The following AOPEP variants were observed in gnomAD, a reference collection of about 807,000 sequenced individuals.
AOPEP encodes aminopeptidase O.
In AOPEP, 77 loss-of-function variants were observed where a neutral mutation model predicts 98.1. That is an observed-to-expected ratio of 0.78 (90% CI 0.65 to 0.95). The LOEUF (loss-of-function observed/expected upper bound fraction) is 0.95. Ranked by LOEUF, AOPEP falls within the 40% of genes least tolerant of loss-of-function variation. AOPEP has a pLI of 0.00. For synonymous variants in AOPEP, 346 were observed against 365.3 expected (o/e 0.95, Z 0.60); for missense variants, 1,024 against 1,024.7 (o/e 1.00, Z 0.01).
At chr9:94,822,380 A>T (rs2134224399) in intron 5 of AOPEP, among the ~76,000 whole-genome samples, 1 of 152,244 alleles carries the variant, frequency 6.6e-6, no homozygotes, top group African/African-American at 2.4e-5. Flanking sequence ...TAAAAAGAAA[A>T]GTTTAAGGAA....
the AOPEP span, among the ~76,000 whole-genome samples, chr9:95,141,174 T>C: frequency 1.4e-4 from 21 of 151,884 alleles, no homozygotes; most frequent in African/African-American, 4.8e-4. Context: ...TAGCAAGGCA[T>C]GGTGGCACAT....
intron 1 of AOPEP, among the ~76,000 whole-genome samples, chr9:94,730,376 T>C (rs1830252349): frequency 6.6e-6 from 1 of 151,390 alleles, no homozygotes; most frequent in Admixed American, 6.6e-5. Flanking sequence ...AGATCATTAA[T>C]GCATTTCCTT....
intron 11 of AOPEP, among the ~76,000 whole-genome samples, chr9:94,986,468 GA>G (rs2060525100): frequency 6.6e-6 from 1 of 152,092 alleles, no homozygotes; most frequent in Non-Finnish European, 1.5e-5. Context: ...GCATTCTAAT[GA>G]ATCCCTTCAG....
At chr9:94,774,096 T>C (rs897569115) in intron 3 of AOPEP, among the ~76,000 whole-genome samples, 1 of 152,032 alleles carries the variant, frequency 6.6e-6, no homozygotes, top group South Asian at 2.1e-4. Context: ...ATTTAAAATA[T>C]GGCATCTCCT....
At chr9:94,773,501 G>A (rs1394446152) in intron 3 of AOPEP, among the ~76,000 whole-genome samples, 1 of 152,144 alleles carries the variant, frequency 6.6e-6, no homozygotes, top group African/African-American at 2.4e-5. Flanking sequence ...CACCATTAGA[G>A]TTGAGTTGTC....
At chr9:95,046,785 C>T (rs546599602) in intron 13 of AOPEP, among the ~76,000 whole-genome samples, 1 of 152,278 alleles carries the variant, frequency 6.6e-6, no homozygotes, top group East Asian at 1.9e-4. Context: ...ATTTTTACTT[C>T]CCAGACACCT....
At chr9:95,015,239 A>G (rs1211407762) in intron 13 of AOPEP, among the ~76,000 whole-genome samples, 1 of 152,250 alleles carries the variant, frequency 6.6e-6, no homozygotes, top group Non-Finnish European at 1.5e-5. Context: ...AAGCACAGAT[A>G]GGGGTTTGAT....
At chr9:94,977,286 A>G (rs2059908994) in intron 10 of AOPEP, among the ~76,000 whole-genome samples, 1 of 151,964 alleles carries the variant, frequency 6.6e-6, no homozygotes, top group Non-Finnish European at 1.5e-5. Flanking sequence ...AGGATAGTTC[A>G]TTTGGTGGAG....
the AOPEP span, among the ~76,000 whole-genome samples, chr9:95,117,578 C>T: frequency 7.2e-6 from 1 of 139,406 alleles, no homozygotes; most frequent in South Asian, 2.5e-4. Context: ...AATAATTAAC[C>T]TTTTTAAAGT....
Position 94,772,997 on chromosome 9 carries a change from T to G in AOPEP, c.798-5T>G. ...CCCCTTTCTTTCTTTGTCTCTCTTCTGCAGGCCATGTGTTTATACTGTGGG... is the reference window on the plus strand; with the variant it reads ...CCCCTTTCTTTCTTTGTCTCTCTTCGGCAGGCCATGTGTTTATACTGTGGG... On this transcript the variant is annotated splice_region_variant and splice_polypyrimidine_tract_variant and intron_variant, in intron 2 of 16. Coordinates refer to ENST00000375315, the MANE Select transcript of AOPEP (RefSeq NM_001193329.3). The G allele has an allele frequency of 1.3e-6, 2 of 1,585,938 alleles. No homozygotes were observed. The highest frequency in any genetic ancestry group is 1.7e-6 in the Non-Finnish European group (2 of 1,163,240).
intron 5 of AOPEP, among the ~76,000 whole-genome samples, chr9:94,913,024 G>A (rs16911830): frequency 1.3e-5 from 2 of 152,114 alleles, no homozygotes; most frequent in South Asian, 2.1e-4. Context: ...AAACAGACCC[G>A]GGTGCCTTTC....
intron 13 of AOPEP, among the ~76,000 whole-genome samples, chr9:95,050,315 T>C (rs1339992803): frequency 1.3e-5 from 2 of 152,226 alleles, no homozygotes; most frequent in Admixed American, 1.3e-4. Flanking sequence ...TGAAATTAAA[T>C]CCATTTTATT....
intron 13 of AOPEP, among the ~76,000 whole-genome samples, chr9:95,038,838 G>A (rs2065048209): frequency 6.6e-6 from 1 of 152,188 alleles, no homozygotes. Flanking sequence ...CAGTGCCTCC[G>A]TTGCCGCCAG....
intron 5 of AOPEP, among the ~76,000 whole-genome samples, chr9:94,864,675 A>G (rs1020131596): frequency 3.3e-5 from 5 of 152,124 alleles, no homozygotes; most frequent in Non-Finnish European, 5.9e-5. Context: ...TTCTAATGGT[A>G]TGTGTTTAAT....
chr9:95,060,548 A>G, intron 13 of AOPEP, 146 bp from the exon 14 acceptor site: 1 of 670,940 alleles, frequency 1.5e-6, no homozygotes, highest in Non-Finnish European at 2.7e-6. Flanking sequence ...GAATTACAAA[A>G]GTCAGCCGAA....
chr9:95,062,587 G>A (rs2067423354), intron 14 of AOPEP, among the ~76,000 whole-genome samples: 1 of 152,180 alleles, frequency 6.6e-6, no homozygotes, highest in African/African-American at 2.4e-5. Flanking sequence ...GCCGGTACAG[G>A]CCCACCCACA....
chr9:94,871,338 G>A (rs2046325803), intron 5 of AOPEP, among the ~76,000 whole-genome samples: 1 of 152,144 alleles, frequency 6.6e-6, no homozygotes, highest in African/African-American at 2.4e-5. Context: ...TCTCTGGTTT[G>A]ATCACATGAT....
chr9:95,035,767 C>T (rs1215605281), intron 13 of AOPEP, among the ~76,000 whole-genome samples: 6 of 151,840 alleles, frequency 4.0e-5, no homozygotes, highest in Non-Finnish European at 4.4e-5. Flanking sequence ...GTGATCTGCC[C>T]GCCTCAGCCT....
At chr9:94,915,242 C>G (rs2052629533) in intron 5 of AOPEP, among the ~76,000 whole-genome samples, 1 of 152,174 alleles carries the variant, frequency 6.6e-6, no homozygotes. Context: ...AGAACTTTGC[C>G]TGGGAGAAAA....
Sources: gnomAD v4.1 joint callset for allele counts (sites outside exome capture counted in the v4.1 genomes callset) on GRCh38, gnomAD v4.1.1 for gene constraint, MANE v1.5 for transcripts, NCBI Gene and HGNC (gene_info 2026-07-23, HGNC 2026-07-21) for gene names.